The following CNTN4 variants were observed in gnomAD, a reference collection of about 807,000 sequenced individuals.
CNTN4 encodes contactin-4.
A neutral mutation model predicts 122.5 loss-of-function variants in CNTN4; 77 were observed. That is an observed-to-expected ratio of 0.63 (90% confidence interval 0.52 to 0.76). CNTN4 has a LOEUF of 0.76. Ranked by LOEUF, CNTN4 falls within the 30% of genes least tolerant of loss-of-function variation. The probability of loss-of-function intolerance (pLI) is 0.00; values close to 1 mark genes in which losing one functional copy is unlikely to be tolerated. For missense variants in CNTN4, 1,256 were observed against 1,259.1 expected (o/e 1.00, Z 0.04); for synonymous variants, 512 against 447.0 (o/e 1.15, Z -1.83).
intron 9 of CNTN4, among the ~76,000 whole-genome samples, chr3:2,886,062 T>C (rs1289884427): frequency 6.6e-6 from 1 of 152,130 alleles, no homozygotes; most frequent in Non-Finnish European, 1.5e-5. Context: ...TTAGTCAAAG[T>C]GGTTAAAAAG....
chr3:2,362,441 G>T (rs919121139), intron 3 of CNTN4: 1 of 394,704 alleles, frequency 2.5e-6, no homozygotes. Context: ...CTGGACCATC[G>T]CCTCCCAGCC....
chr3:2,514,998 C>G (rs1172404837), intron 3 of CNTN4, among the ~76,000 whole-genome samples: 1 of 151,900 alleles, frequency 6.6e-6, no homozygotes, highest in African/African-American at 2.4e-5. Context: ...CTGTTCTCCT[C>G]TCCCTCTGCC....
At chr3:2,960,852 C>G (rs1205018870) in intron 13 of CNTN4, among the ~76,000 whole-genome samples, 1 of 152,134 alleles carries the variant, frequency 6.6e-6, no homozygotes, top group Non-Finnish European at 1.5e-5. Flanking sequence ...AGAATGGATG[C>G]AAGCAAATGA....
intron 4 of CNTN4, among the ~76,000 whole-genome samples, chr3:2,688,582 G>A (rs999525519): frequency 2.0e-5 from 3 of 152,184 alleles, no homozygotes; most frequent in African/African-American, 4.8e-5. Context: ...GACAAGGCCC[G>A]TAACTTGAGC....
At position 2,536,526 on chromosome 3, in the gene CNTN4, G is replaced by C. The variant is rs566350208; in HGVS notation, c.-88-34890G>C. ...TCATAAAAACAGTTGATCCTATCGA[G>C]GTGAGGTCATATCAAAGTAGTACAC... On this transcript the variant is annotated intron_variant, in intron 3 of 24. Transcript: ENST00000418658. Among the ~76,000 whole-genome samples the C allele has an allele frequency of 5.9e-5, 9 of 151,992 alleles. No individual in the cohort carries two copies. In the East Asian group the frequency reaches 1.7e-3, roughly 29 times the overall value.
chr3:2,860,490 A>C (rs1231260311), intron 7 of CNTN4, among the ~76,000 whole-genome samples: 1 of 152,158 alleles, frequency 6.6e-6, no homozygotes, highest in Non-Finnish European at 1.5e-5. Context: ...GAATATTCCT[A>C]ATAGGGGTCC....
intron 2 of CNTN4, among the ~76,000 whole-genome samples, chr3:2,107,218 A>C (rs1439869064): frequency 6.6e-6 from 1 of 152,190 alleles, no homozygotes; most frequent in Non-Finnish European, 1.5e-5. Context: ...ATTTTCGGGT[A>C]TCTTTATAGC....
At chr3:2,251,865 G>A (rs539813015) in intron 2 of CNTN4, among the ~76,000 whole-genome samples, 3 of 151,590 alleles carry the variant, frequency 2.0e-5, no homozygotes, top group African/African-American at 4.8e-5. Flanking sequence ...ATAAAGAGAA[G>A]GCTGTTTTCC....
At chr3:2,538,215 G>A (rs1043031177) in intron 3 of CNTN4, among the ~76,000 whole-genome samples, 2 of 152,048 alleles carry the variant, frequency 1.3e-5, no homozygotes, top group African/African-American at 4.8e-5. Context: ...CTAAATAGAA[G>A]GAGACCTTTT....
chr3:2,857,532 T>C (rs1028847828), intron 7 of CNTN4, among the ~76,000 whole-genome samples: 4 of 152,222 alleles, frequency 2.6e-5, no homozygotes, highest in Non-Finnish European at 5.9e-5. Context: ...GCCATGGCTT[T>C]ACTGGTTTGA....
At chr3:2,735,815 A>G (rs1004441537) in intron 4 of CNTN4, 3 of 380,476 alleles carry the variant, frequency 7.9e-6, no homozygotes, top group Admixed American at 7.3e-5. Context: ...ATCTCATTAC[A>G]GCACAGAAAA....
chr3:2,843,701 G>A (rs2093405021), intron 7 of CNTN4, among the ~76,000 whole-genome samples: 1 of 152,094 alleles, frequency 6.6e-6, no homozygotes, highest in Admixed American at 6.6e-5. Context: ...GCCCGCTCCT[G>A]CTTCACCTTC....
At chr3:2,581,209 C>G (rs1003149231) in intron 4 of CNTN4, among the ~76,000 whole-genome samples, 3 of 152,074 alleles carry the variant, frequency 2.0e-5, no homozygotes, top group African/African-American at 7.2e-5. Flanking sequence ...ATCTTACCAG[C>G]CTGGGTTTCT....
intron 4 of CNTN4, among the ~76,000 whole-genome samples, chr3:2,581,030 C>A (rs1412265536): frequency 6.6e-6 from 1 of 152,210 alleles, no homozygotes; most frequent in African/African-American, 2.4e-5. Flanking sequence ...GTAAAATACT[C>A]TGAACCAATG....
chr3:2,437,489 C>T lies in CNTN4; in HGVS notation c.-89+98256C>T, dbSNP rs868458298. On this transcript the variant is annotated intron_variant, in intron 3 of 24. Coordinates refer to ENST00000418658, the MANE Select transcript of CNTN4 (RefSeq NM_175607.3). ...AAACATATAATTTCAAATAATCAAA[C>T]CCCATATTTCTAAATTCCTATATTT... is the stretch of plus-strand genomic sequence containing the variant. Among the ~76,000 whole-genome samples, 45 of 152,158 alleles carry T rather than the reference C, an allele frequency of 3.0e-4. No homozygotes were observed. In the Middle Eastern group the frequency reaches 0.01, roughly 35 times the overall value.
chr3:2,440,986 T>C (rs557498142), intron 3 of CNTN4, among the ~76,000 whole-genome samples: 1 of 150,650 alleles, frequency 6.6e-6, no homozygotes, highest in Non-Finnish European at 1.5e-5. Context: ...CATATGTGTG[T>C]ATATGTATAT....
intron 4 of CNTN4, among the ~76,000 whole-genome samples, chr3:2,682,056 C>A (rs9814200): frequency 6.6e-6 from 1 of 151,972 alleles, no homozygotes; most frequent in Non-Finnish European, 1.5e-5. Flanking sequence ...CAATATGAAT[C>A]GTTATCCATT....
Position 2,715,659 on chromosome 3 carries a change from G to A in CNTN4, c.56-20556G>A, listed in dbSNP as rs76057530. ...TTTACTTAGAGTTTTGGAAGCTGAG[G>A]AATACAAGATCAAGGTGCCACCTGA... On this transcript the variant is annotated intron_variant, in intron 4 of 24. Coordinates refer to ENST00000418658, the MANE Select transcript of CNTN4 (RefSeq NM_175607.3). 3.9e-3 allele frequency among the ~76,000 whole-genome samples: 594 copies of A among 152,288 alleles called. 3 individuals are homozygous for A. The highest frequency in any genetic ancestry group is 0.013 in the African/African-American group (556 of 41,554).
chr3:2,975,813 T>C (rs1403509613), intron 13 of CNTN4, among the ~76,000 whole-genome samples: 27 of 152,186 alleles, frequency 1.8e-4, no homozygotes, highest in Admixed American at 1.7e-3. Flanking sequence ...TTGGTAAAAG[T>C]ATATGGAAGT....
Sources: allele counts gnomAD v4.1 joint callset (sites outside exome capture counted in the v4.1 genomes callset), GRCh38; gene constraint gnomAD v4.1.1; transcripts MANE v1.5; gene names NCBI Gene and HGNC (gene_info 2026-07-23, HGNC 2026-07-21).